Variants in SCFD2 observed in about 807,000 individuals in gnomAD.
The protein encoded by SCFD2 is sec1 family domain containing 2.
Under a neutral mutation model 58.9 loss-of-function variants are expected in SCFD2, and 54 were observed. That is an observed-to-expected ratio of 0.92 (90% CI 0.74 to 1.15). The LOEUF (loss-of-function observed/expected upper bound fraction) is 1.15, where lower values mean the gene tolerates loss of function less well. Ranked by LOEUF, SCFD2 falls within the 50% of genes most tolerant of loss-of-function variation. SCFD2 has a pLI of 0.00. For synonymous variants in SCFD2, 321 were observed against 335.9 expected (o/e 0.96, Z 0.49); for missense variants, 805 against 836.6 (o/e 0.96, Z 0.47).
intron 7 of SCFD2, 90 bp downstream of exon 7, chr4:52,907,367 G>T: frequency 7.8e-7 from 1 of 1,274,074 alleles, no homozygotes; most frequent in Non-Finnish European, 1.1e-6. Context: ...TCTGTATGGT[G>T]CTGGCTAGGG....
rs1722644694 is a variant in SCFD2 at position 53,032,720 on chromosome 4, A to G, written c.1562-111850T>C. On this transcript the variant is annotated intron_variant, in intron 5 of 8. Coordinates refer to ENST00000401642, the MANE Select transcript of SCFD2 (RefSeq NM_152540.4). ...AACCAACAAAGATCAAAAGAGACAA[A>G]GAAGGGTATTACATAACGGTAAAGG... is the stretch of plus-strand genomic sequence containing the variant. Among the ~76,000 whole-genome samples the G allele has an allele frequency of 2.0e-5, 3 of 152,218 alleles. No homozygotes were observed. The South Asian group carries it at 6.2e-4, about 32-fold the overall frequency.
intron 4 of SCFD2, among the ~76,000 whole-genome samples, chr4:53,262,256 T>C (rs983160728): frequency 6.6e-6 from 1 of 152,208 alleles, no homozygotes; most frequent in Admixed American, 6.5e-5. Context: ...TCATTCAATG[T>C]TAGTATTAAG....
At chr4:52,900,919 C>G (rs183519768) in intron 7 of SCFD2, among the ~76,000 whole-genome samples, 4 of 152,160 alleles carry the variant, frequency 2.6e-5, no homozygotes, top group African/African-American at 7.2e-5. Context: ...GGAGAGGCTC[C>G]GCGGGCGCAG....
At chr4:52,960,694 CTCA>C (rs1223518903) in intron 5 of SCFD2, among the ~76,000 whole-genome samples, 2 of 140,142 alleles carry the variant, frequency 1.4e-5, no homozygotes, top group Admixed American at 1.5e-4. Context: ...TTCCACGCAC[CTCA>C]TTTCTTTCTC....
chr4:52,952,391 T>C (rs1383791332), intron 5 of SCFD2, among the ~76,000 whole-genome samples: 1 of 151,796 alleles, frequency 6.6e-6, no homozygotes, highest in Admixed American at 6.6e-5. Flanking sequence ...TGCCCTCCTC[T>C]CTGCAGGCCC....
chr4:53,159,187 G>GA (rs886222656), intron 4 of SCFD2, among the ~76,000 whole-genome samples: 1 of 151,796 alleles, frequency 6.6e-6, no homozygotes, highest in African/African-American at 2.4e-5. Context: ...TAGAAAAAAA[G>GA]AAAAAAATAA....
rs75760465 is a variant in SCFD2 at position 53,222,560 on chromosome 4, G to T, written c.1311+51266C>A. ...GATAACTATTTTAATGACAGTTCTA[G>T]GGAAAACAAGACGGGACTTCAACAC... On this transcript the variant is annotated intron_variant, in intron 4 of 8. Transcript: ENST00000401642. Among the ~76,000 whole-genome samples, 53 of 152,208 alleles carry T rather than the reference G, an allele frequency of 3.5e-4. 1 individual carries two copies. The East Asian group carries it at 0.01, about 29-fold the overall frequency.
chr4:53,339,918 T>C (rs1358458160), intron 2 of SCFD2, among the ~76,000 whole-genome samples: 1 of 152,136 alleles, frequency 6.6e-6, no homozygotes, highest in Non-Finnish European at 1.5e-5. Context: ...AGTTGGCTGG[T>C]ATCCAAATAT....
At position 53,365,971 on chromosome 4, in the gene SCFD2, C is replaced by G. The variant is rs763164489; in HGVS notation, c.-30G>C. 1.3e-6 allele frequency: 2 copies of G among 1,510,800 alleles called. No homozygotes were observed. The highest frequency in any genetic ancestry group is 2.8e-5 in the African/African-American group (2 of 71,966). The allele number at this position is 1,510,800 out of a possible 1,614,324, so 93.6% of individuals were successfully genotyped here. On this transcript the variant is annotated 5_prime_UTR_variant, in exon 1 of 9. Coordinates refer to ENST00000401642, the MANE Select transcript of SCFD2 (RefSeq NM_152540.4). The surrounding 1 kb of genome is among the most constrained non-coding windows in gnomAD (Gnocchi z 4.3). ...GGGGATTCGCAGACTTGGGAAACTA[C>G]GGTGCAGGAACTTCTTTCAGAACTC...
chr4:52,933,294 C>T (rs1479413849), intron 5 of SCFD2, among the ~76,000 whole-genome samples: 4 of 152,044 alleles, frequency 2.6e-5, no homozygotes, highest in South Asian at 2.1e-4. Flanking sequence ...GCTTCTTACC[C>T]GGCCCGACCC....
intron 7 of SCFD2, among the ~76,000 whole-genome samples, chr4:52,896,946 A>C (rs994816792): frequency 6.6e-6 from 1 of 152,088 alleles, no homozygotes; most frequent in African/African-American, 2.4e-5. Flanking sequence ...TTCACTCATG[A>C]TTTGGCTCTC....
At chr4:53,219,499 G>T (rs181259597) in intron 4 of SCFD2, among the ~76,000 whole-genome samples, 2 of 152,162 alleles carry the variant, frequency 1.3e-5, no homozygotes, top group Non-Finnish European at 2.9e-5. Context: ...ACAGTATTAC[G>T]GTGGGAGTGA....
chr4:53,105,277 A>G (rs1724957871), intron 5 of SCFD2, among the ~76,000 whole-genome samples: 1 of 151,712 alleles, frequency 6.6e-6, no homozygotes. Flanking sequence ...GCAGACACCG[A>G]GCTAGCTTTA....
intron 5 of SCFD2, among the ~76,000 whole-genome samples, chr4:53,113,715 A>G (rs1725236118): frequency 6.6e-6 from 1 of 152,110 alleles, no homozygotes; most frequent in African/African-American, 2.4e-5. Flanking sequence ...CCTAGCACCC[A>G]GCACACTACC....
intron 4 of SCFD2, among the ~76,000 whole-genome samples, chr4:53,241,654 T>C (rs1577885051): frequency 6.6e-6 from 1 of 152,218 alleles, no homozygotes; most frequent in East Asian, 1.9e-4. Flanking sequence ...CCAGCACATG[T>C]GTGCACAGGC....
At chr4:52,974,550 C>T (rs554150639) in intron 5 of SCFD2, among the ~76,000 whole-genome samples, 6 of 152,320 alleles carry the variant, frequency 3.9e-5, no homozygotes, top group African/African-American at 1.4e-4. Context: ...ACAGTCCATG[C>T]TCATGGGTAG....
At chr4:53,033,572 C>T (rs769827984) in intron 5 of SCFD2, among the ~76,000 whole-genome samples, 1 of 151,372 alleles carries the variant, frequency 6.6e-6, no homozygotes, top group Non-Finnish European at 1.5e-5. Flanking sequence ...AGACCACTAG[C>T]CAGAATAATA....
chr4:52,904,485 C>T (rs1012605770), intron 7 of SCFD2, among the ~76,000 whole-genome samples: 17 of 152,228 alleles, frequency 1.1e-4, no homozygotes, highest in Non-Finnish European at 2.4e-4. Flanking sequence ...CGCAACTCAA[C>T]TCTAATGCAC....
chr4:53,042,391 A>T (rs1722922462), intron 5 of SCFD2, among the ~76,000 whole-genome samples: 1 of 152,106 alleles, frequency 6.6e-6, no homozygotes, highest in African/African-American at 2.4e-5. Context: ...CTTCATTCCC[A>T]CAGGGACGCA....
Sources: gnomAD v4.1 joint callset for allele counts (sites outside exome capture counted in the v4.1 genomes callset) on GRCh38, gnomAD v4.1.1 for gene constraint, Gnocchi (gnomAD v3.1) non-coding constraint, MANE v1.5 for transcripts, NCBI Gene and HGNC (gene_info 2026-07-23, HGNC 2026-07-21) for gene names.